The following NUDCD3 variants were observed in gnomAD, a reference collection of about 807,000 sequenced individuals.
NUDCD3 encodes the protein NudC domain containing 3, also known as nudC domain-containing protein 3.
Under a neutral mutation model 39.7 loss-of-function variants are expected in NUDCD3, and 13 were observed. That is an observed-to-expected ratio of 0.33 (90% CI 0.21 to 0.52). The LOEUF is 0.52. NUDCD3 is among the 20% of genes least tolerant of loss of function. The probability of loss-of-function intolerance (pLI) is 0.96; values close to 1 mark genes in which losing one functional copy is unlikely to be tolerated. For missense variants in NUDCD3, 453 were observed against 458.1 expected (o/e 0.99, Z 0.10); for synonymous variants, 175 against 172.4 (o/e 1.02, Z -0.12).
At chr7:44,391,625 CG>C in intron 5 of NUDCD3, among the ~76,000 whole-genome samples, 1 of 152,288 alleles carries the variant, frequency 6.6e-6, no homozygotes, top group East Asian at 1.9e-4. Context: ...TGCTGTACTG[CG>C]GCCCAAACCC....
At chr7:44,481,062 C>A (rs866352492) in intron 2 of NUDCD3, among the ~76,000 whole-genome samples, 1 of 143,958 alleles carries the variant, frequency 6.9e-6, no homozygotes, top group Non-Finnish European at 1.5e-5. Flanking sequence ...TACAGTGTAA[C>A]AACTATTTAC....
intron 2 of NUDCD3, among the ~76,000 whole-genome samples, chr7:44,450,699 T>C (rs943328981): frequency 2.0e-5 from 3 of 151,992 alleles, no homozygotes; most frequent in African/African-American, 7.2e-5. Flanking sequence ...AACTGACACA[T>C]GCTAGTGGGG....
At chr7:44,392,629 G>T (rs905833867) in intron 4 of NUDCD3, 144 bp from the exon 5 acceptor site, 2 of 680,320 alleles carry the variant, frequency 2.9e-6, no homozygotes, top group Non-Finnish European at 4.9e-6. Flanking sequence ...ACAAGAGGGG[G>T]TGCCAGAACC....
intron 3 of NUDCD3, 120 bp from the exon 4 acceptor site, chr7:44,404,703 C>T: frequency 1.0e-6 from 1 of 1,000,664 alleles, no homozygotes; most frequent in South Asian, 2.0e-5. Context: ...TGTCATCAGG[C>T]TCACCAGGCA....
At chr7:44,429,222 C>T (rs146278514) in intron 2 of NUDCD3, among the ~76,000 whole-genome samples, 111 of 152,278 alleles carry the variant, frequency 7.3e-4, no homozygotes, top group Admixed American at 1.8e-3. Flanking sequence ...TCCCCTAAAA[C>T]GCTATGTTGG....
At chr7:44,419,529 C>T (rs1799097131) in intron 3 of NUDCD3, among the ~76,000 whole-genome samples, 2 of 152,192 alleles carry the variant, frequency 1.3e-5, no homozygotes. Context: ...CAAGTGGGTC[C>T]CTGACCCCCA....
intron 2 of NUDCD3, among the ~76,000 whole-genome samples, chr7:44,468,519 G>T (rs536171968): frequency 3.3e-5 from 5 of 152,016 alleles, no homozygotes; most frequent in Non-Finnish European, 5.9e-5. Context: ...TTAAAAGGGG[G>T]AAAAAGACTA....
intron 2 of NUDCD3, among the ~76,000 whole-genome samples, chr7:44,438,017 T>C (rs1042261598): frequency 2.0e-5 from 3 of 152,154 alleles, no homozygotes; most frequent in Admixed American, 6.5e-5. Context: ...ATATATATTT[T>C]AAAACAAAAT....
At chr7:44,387,934 C>T (rs768733126) in intron 5 of NUDCD3, among the ~76,000 whole-genome samples, 3 of 152,140 alleles carry the variant, frequency 2.0e-5, no homozygotes, top group Non-Finnish European at 4.4e-5. Flanking sequence ...TAGACACAGA[C>T]ACATCTGAGC....
intron 5 of NUDCD3, among the ~76,000 whole-genome samples, chr7:44,392,050 G>A (rs1375953456): frequency 3.3e-5 from 5 of 152,200 alleles, no homozygotes; most frequent in Non-Finnish European, 4.4e-5. Context: ...GACACCCTTC[G>A]AGGTCCTGTT....
chr7:44,471,816 C>T (rs996199159), intron 2 of NUDCD3: 1 of 152,160 alleles, frequency 6.6e-6, no homozygotes, highest in Admixed American at 6.5e-5. Context: ...ATGAACAAAC[C>T]AGAGATGAAG....
chr7:44,445,170 T>C (rs1241629104), intron 2 of NUDCD3, among the ~76,000 whole-genome samples: 1 of 152,218 alleles, frequency 6.6e-6, no homozygotes, highest in Non-Finnish European at 1.5e-5. Context: ...GCTATCTCTA[T>C]ATCTTCCGCA....
At chr7:44,446,531 G>A (rs1799692847) in intron 2 of NUDCD3, among the ~76,000 whole-genome samples, 1 of 152,126 alleles carries the variant, frequency 6.6e-6, no homozygotes, top group African/African-American at 2.4e-5. Flanking sequence ...CATATAAATG[G>A]GCCAAGATCC....
rs1053061605 is a variant in NUDCD3, at chr7:44,386,026, C to A, written c.1071G>T (p.Gly357=). The A allele has an allele frequency of 3.3e-6, 5 of 1,529,922 alleles. No homozygotes were observed. The African/African-American group carries it at 4.1e-5, about 13-fold the overall frequency. 94.8% of individuals were successfully genotyped at this position (1,529,922 alleles called of 1,614,324 possible). ...FDPAMFNISP[G]AVQF ...CTTCTGGTCATTAAAACTGCACAGC[C>A]CCCGGGGAGATGTTGAACATGGCAG... Residue 357 remains glycine, a synonymous_variant, in exon 6 of 6, where the codon GGG becomes GGT. Coordinates refer to ENST00000355451, the MANE Select transcript of NUDCD3 (RefSeq NM_015332.4).
At chr7:44,456,025 CAAAAAAAAAAA>C (rs1233592095) in intron 2 of NUDCD3, among the ~76,000 whole-genome samples, 3 of 28,504 alleles carry the variant, frequency 1.1e-4, no homozygotes, top group African/African-American at 3.0e-4. Context: ...GACTCCGTCT[CAAAAAAAAAAA>C]AAAAAAAAAA....
chr7:44,416,470 T>C (rs1547937), intron 3 of NUDCD3, among the ~76,000 whole-genome samples: 147,416 of 151,700 alleles, frequency 0.97, 71,658 homozygotes, highest in East Asian at 1. Flanking sequence ...CTAGCCTGGG[T>C]GACACAGCGA....
chr7:44,418,046 C>G (rs1329197752), intron 3 of NUDCD3, among the ~76,000 whole-genome samples: 3 of 152,188 alleles, frequency 2.0e-5, no homozygotes, highest in Non-Finnish European at 2.9e-5. Flanking sequence ...CCCACCCAAA[C>G]TCCTACACAC....
intron 2 of NUDCD3, among the ~76,000 whole-genome samples, chr7:44,443,566 A>G (rs574990815): frequency 6.6e-6 from 1 of 152,104 alleles, no homozygotes; most frequent in African/African-American, 2.4e-5. Context: ...ATGCACCATC[A>G]CACCCAGCTA....
chr7:44,388,527 C>A (rs762705775), intron 5 of NUDCD3, among the ~76,000 whole-genome samples: 2 of 152,244 alleles, frequency 1.3e-5, no homozygotes, highest in Non-Finnish European at 2.9e-5. Flanking sequence ...GAAACCTCTG[C>A]GTGTTGCAAG....
Sources: gnomAD v4.1 joint callset for allele counts (sites outside exome capture counted in the v4.1 genomes callset) on GRCh38, gnomAD v4.1.1 for gene constraint, MANE v1.5 for transcripts, NCBI Gene and HGNC (gene_info 2026-07-23, HGNC 2026-07-21) for gene names.